Variants in TRHR observed in about 807,000 individuals in gnomAD.
TRHR encodes thyrotropin releasing hormone receptor, also known as thyrotropin-releasing hormone receptor.
Under a neutral mutation model 28.0 loss-of-function variants are expected in TRHR, and 14 were observed. The observed-to-expected ratio is 0.50, with a 90% CI of 0.33 to 0.78. The LOEUF is 0.78. Among genes scored for constraint, TRHR ranks in the 30% least tolerant of loss-of-function variants. The pLI is 0.02. For synonymous variants in TRHR, 176 were observed against 171.9 expected (o/e 1.02, Z -0.18); for missense variants, 438 against 469.5 (o/e 0.93, Z 0.62).
chr8:109,121,118 G>T lies in TRHR; in HGVS notation c.*1663G>T, dbSNP rs1812002126. The stretch of plus-strand genomic sequence containing the variant: ...TTGAAAATTGGCCTTATCTACTCCA[G>T]CAAGACATTTTTATCCTGTTACTAT... On this transcript the variant is annotated 3_prime_UTR_variant, in exon 3 of 3. Coordinates refer to ENST00000518632, the MANE Select transcript of TRHR (RefSeq NM_003301.7). Among the ~76,000 whole-genome samples, 1 of 148,762 alleles carries T rather than the reference G, an allele frequency of 6.7e-6. No individual in the cohort carries two copies. The highest frequency in any genetic ancestry group is 2.1e-4 in the South Asian group (1 of 4,740).
intron 2 of TRHR, among the ~76,000 whole-genome samples, chr8:109,100,288 G>T (rs1208481087): frequency 2.0e-5 from 3 of 152,124 alleles, no homozygotes; most frequent in African/African-American, 7.2e-5. Flanking sequence ...TATTTAACTA[G>T]AGATTATAAG....
intron 2 of TRHR, among the ~76,000 whole-genome samples, chr8:109,103,481 G>A (rs1811707473): frequency 6.6e-6 from 1 of 152,168 alleles, no homozygotes; most frequent in Non-Finnish European, 1.5e-5. Context: ...GATCAAGGGT[G>A]CTTGACTCTT....
chr8:109,092,965 A>G (rs1270686972), intron 2 of TRHR, among the ~76,000 whole-genome samples: 1 of 151,284 alleles, frequency 6.6e-6, no homozygotes, highest in Non-Finnish European at 1.5e-5. Context: ...AAACACAATT[A>G]TAGTCAAATG....
chr8:109,117,273 C>G (rs537474791), intron 2 of TRHR, among the ~76,000 whole-genome samples: 2 of 151,934 alleles, frequency 1.3e-5, no homozygotes, highest in South Asian at 4.1e-4. Context: ...CTTAAGTAGA[C>G]AGATTTGAAT....
chr8:109,099,150 G>C (rs955741483), intron 2 of TRHR, among the ~76,000 whole-genome samples: 9 of 148,544 alleles, frequency 6.1e-5, no homozygotes, highest in Admixed American at 1.3e-4. Flanking sequence ...AGAGATTACA[G>C]AGAGACATCA....
At chr8:109,096,472 A>C (rs1354737178) in intron 2 of TRHR, among the ~76,000 whole-genome samples, 1 of 152,076 alleles carries the variant, frequency 6.6e-6, no homozygotes, top group African/African-American at 2.4e-5. Context: ...TAACATCCCA[A>C]AGAGTAGGGC....
chr8:109,100,988 G>T (rs1811671142), intron 2 of TRHR, among the ~76,000 whole-genome samples: 1 of 152,164 alleles, frequency 6.6e-6, no homozygotes. Context: ...GGTAAGCAGA[G>T]ATCAGGAAAT....
chr8:109,093,400 C>CTTTTTTTTTTTTTTTTTTTT (rs34645119), intron 2 of TRHR, among the ~76,000 whole-genome samples: 1 of 77,394 alleles, frequency 1.3e-5, no homozygotes, highest in Non-Finnish European at 2.3e-5. Context: ...GTGCTATTTA[C>CTTTTTTTTTTTTTTTTTTTT]TTTTTTTTTT....
Position 109,119,465 on chromosome 8 carries a change from TAGA to T in TRHR, c.*15_*17del. On this transcript the variant is annotated 3_prime_UTR_variant, in exon 3 of 3. Transcript: ENST00000518632. Reference sequence around the variant, plus strand: ...CTTTAGCCAAAGTTGATTCATGAATTAGAAGAAAATGGATGACAAAGAAAATGA... The same window carrying T: ...CTTTAGCCAAAGTTGATTCATGAATTAGAAAATGGATGACAAAGAAAATGA... 1 of 1,610,896 alleles carries T rather than the reference TAGA, an allele frequency of 6.2e-7. No homozygotes were observed. The highest frequency in any genetic ancestry group is 2.2e-5 in the East Asian group (1 of 44,810).
At position 109,119,513 on chromosome 8, in the gene TRHR, CA is replaced by C; in HGVS notation, c.*62del. 6.3e-7 allele frequency: 1 copy of C among 1,586,336 alleles called. No individual in the cohort carries two copies. Among genetic ancestry groups the C allele is most frequent in the South Asian group, 1.1e-5 (1 of 90,182 alleles). The stretch of plus-strand genomic sequence containing the variant: ...AAATGAGAATCTGTGCAGTCATCAA[CA>C]AAAGGGAGAACATGGCCAATAGTCA... On this transcript the variant is annotated 3_prime_UTR_variant, in exon 3 of 3. Transcript: ENST00000518632.
intron 2 of TRHR, among the ~76,000 whole-genome samples, chr8:109,097,549 G>T (rs568270781): frequency 2.0e-5 from 3 of 152,142 alleles, no homozygotes; most frequent in Non-Finnish European, 4.4e-5. Flanking sequence ...AAAACATAAG[G>T]TTAAGCTGTG....
At chr8:109,097,815 TACAG>T (rs1186251236) in intron 2 of TRHR, among the ~76,000 whole-genome samples, 2 of 152,224 alleles carry the variant, frequency 1.3e-5, no homozygotes, top group African/African-American at 4.8e-5. Context: ...TATCACATTC[TACAG>T]ACAATGGTTT....
intron 2 of TRHR, among the ~76,000 whole-genome samples, chr8:109,100,620 G>A (rs1811664811): frequency 1.3e-5 from 2 of 152,108 alleles, no homozygotes; most frequent in South Asian, 4.1e-4. Context: ...CCATTAGGAT[G>A]CAAAAATGAT....
chr8:109,115,841 A>G (rs1459831084), intron 2 of TRHR, among the ~76,000 whole-genome samples: 2 of 152,046 alleles, frequency 1.3e-5, no homozygotes, highest in East Asian at 3.9e-4. Context: ...TTCCAACACT[A>G]TGTTGAATAG....
intron 2 of TRHR, among the ~76,000 whole-genome samples, chr8:109,118,642 G>A (rs1174270701): frequency 1.3e-5 from 2 of 151,858 alleles, no homozygotes; most frequent in Non-Finnish European, 2.9e-5. Context: ...TTGGCCTCAA[G>A]TGTCTCTCTA....
chr8:109,118,914 C>A, intron 2 of TRHR, 134 bp from the exon 3 acceptor site: 2 of 1,104,652 alleles, frequency 1.8e-6, no homozygotes, highest in Non-Finnish European at 2.7e-6. Context: ...GATCACCTCC[C>A]CAATAAATGA....
At chr8:109,115,810 C>A (rs2129933980) in intron 2 of TRHR, among the ~76,000 whole-genome samples, 1 of 152,056 alleles carries the variant, frequency 6.6e-6, no homozygotes, top group South Asian at 2.1e-4. Context: ...CTTTCTCCTG[C>A]CTGATTGCCC....
chr8:109,113,456 G>A (rs1247392172), intron 2 of TRHR, among the ~76,000 whole-genome samples: 3 of 152,030 alleles, frequency 2.0e-5, no homozygotes, highest in East Asian at 1.9e-4. Flanking sequence ...TCAAAACAAG[G>A]AAAGTTAGAG....
chr8:109,091,219 G>C (rs1341760606), intron 2 of TRHR, among the ~76,000 whole-genome samples: 2 of 152,100 alleles, frequency 1.3e-5, no homozygotes, highest in East Asian at 3.9e-4. Context: ...GAGTATACCA[G>C]AAAGATGTTT....
Sources: allele counts gnomAD v4.1 joint callset (sites outside exome capture counted in the v4.1 genomes callset), GRCh38; gene constraint gnomAD v4.1.1; transcripts MANE v1.5; gene names NCBI Gene and HGNC (gene_info 2026-07-23, HGNC 2026-07-21).